Variants in LOXHD1 observed in about 807,000 individuals in gnomAD.
LOXHD1 encodes the protein lipoxygenase homology PLAT domains 1.
In LOXHD1, 205 loss-of-function variants were observed where a neutral mutation model predicts 248.2. That is an observed-to-expected ratio of 0.83 (90% confidence interval 0.74 to 0.93). The LOEUF (loss-of-function observed/expected upper bound fraction) is 0.93. Ranked by LOEUF, LOXHD1 falls within the 40% of genes least tolerant of loss-of-function variation. The pLI is 0.00. For missense variants in LOXHD1, 2,930 were observed against 2,971.6 expected, an observed-to-expected ratio of 0.99 and a Z score of 0.33; for synonymous variants, 1,113 against 1,162.8, an observed-to-expected ratio of 0.96 and a Z score of 0.87.
At chr18:46,590,123 C>T (rs972793612) in intron 12 of LOXHD1, among the ~76,000 whole-genome samples, 3 of 152,088 alleles carry the variant, frequency 2.0e-5, no homozygotes, top group Admixed American at 6.5e-5. Context: ...CACAGTGGTT[C>T]TCAAAGTGTG....
rs2143530459 is a variant in LOXHD1, at chr18:46,483,664, T to C, written c.6264A>G (p.Glu2088=). 6 of 1,551,674 alleles carry C rather than the reference T, an allele frequency of 3.9e-6. No homozygotes were observed. The highest frequency in any genetic ancestry group is 5.2e-6 in the Non-Finnish European group (6 of 1,146,992). ...ASLCVGHLAR[E]DRFIPKRELA... is the part of the protein sequence containing the mutation. ...GTTCTCTCTTGGGGATAAACCGGTC[T>C]TCCCTGGCAAGGTGGCCCACACAGA... Residue 2088 remains glutamate (E), a synonymous_variant, in exon 40 of 41, where the codon GAA becomes GAG. Coordinates refer to ENST00000642948, the MANE Select transcript of LOXHD1 (RefSeq NM_001384474.1).
chr18:46,537,732 A>C (rs2144316671), intron 26 of LOXHD1, among the ~76,000 whole-genome samples: 1 of 152,350 alleles, frequency 6.6e-6, no homozygotes, highest in Non-Finnish European at 1.5e-5. Context: ...CCATAGCTTG[A>C]GAGCTGAGCA....
At position 46,518,133 on chromosome 18, in the gene LOXHD1, CTT is replaced by C. The variant is rs2144083830; in HGVS notation, c.5393_5394del (p.Lys1798SerfsTer4). The C allele has an allele frequency of 2.6e-6, 4 of 1,551,576 alleles. No homozygotes were observed. The highest frequency in any genetic ancestry group is 3.5e-6 in the Non-Finnish European group (4 of 1,146,960). The part of the protein sequence containing the change: ...STEEMQLDKK[K>X]ARFEREQNDT... ...GCAGGGGCCGCCTCCAGGTACCTGG[CTT>C]TCTTTTTGTCCAGCTGCATCTCCTC... On this transcript the variant is annotated frameshift_variant, in exon 34 of 41. Coordinates refer to ENST00000642948, the MANE Select transcript of LOXHD1 (RefSeq NM_001384474.1). LOFTEE classifies it high-confidence loss of function.
chr18:46,505,689 G>GGAA, intron 37 of LOXHD1, 149 bp downstream of exon 37: 1 of 770,502 alleles, frequency 1.3e-6, no homozygotes, highest in Non-Finnish European at 2.1e-6. Context: ...TCATACTGAT[G>GGAA]GAAGCATCAA....
At chr18:46,570,736 T>C (rs1453235336) in intron 15 of LOXHD1, among the ~76,000 whole-genome samples, 2 of 152,166 alleles carry the variant, frequency 1.3e-5, no homozygotes, top group Non-Finnish European at 2.9e-5. Flanking sequence ...ATACAAATGA[T>C]AGCTGATGAG....
chr18:46,579,992 C>T (rs2037933339), intron 12 of LOXHD1, among the ~76,000 whole-genome samples: 1 of 152,240 alleles, frequency 6.6e-6, no homozygotes, highest in African/African-American at 2.4e-5. Context: ...GGCCCTTGGT[C>T]ATTATAGGTA....
In LOXHD1 at chr18:46,563,356, TCTC is replaced by T. The variant is rs34696660; in HGVS notation, c.2438-134_2438-132del. 2,477 of 843,178 alleles carry T rather than the reference TCTC, an allele frequency of 2.9e-3. 21 individuals carry two copies. Among genetic ancestry groups the T allele is most frequent in the African/African-American group, 0.024 (1,384 of 58,712 alleles). The allele number at this position is 843,178 out of a possible 1,614,324, so 52.2% of individuals were successfully genotyped here. A position where few individuals can be genotyped will look rare whatever the true frequency, so the allele number is the denominator to read the frequency against. ...TTACAGTCATTCACTTATCTAATCC[TCTC>T]CTCAACACCCTGAGTAAGCACAATC... is the stretch of plus-strand genomic sequence containing the variant. On this transcript the variant is annotated intron_variant, in intron 17 of 40. Transcript: ENST00000642948.
chr18:46,555,502 T>C (rs1227802445), intron 21 of LOXHD1: 1 of 217,942 alleles, frequency 4.6e-6, no homozygotes. Flanking sequence ...GGGTGGGAGA[T>C]GGGAGAACCC....
chr18:46,588,605 C>A (rs963772607), intron 12 of LOXHD1, among the ~76,000 whole-genome samples: 38 of 152,230 alleles, frequency 2.5e-4, no homozygotes, highest in Admixed American at 2.4e-3. Context: ...AATGTCACTT[C>A]ATCTGCAAAA....
chr18:46,559,421 C>T (rs1476757815), intron 20 of LOXHD1, 27 bp downstream of exon 20: 2 of 1,551,958 alleles, frequency 1.3e-6, no homozygotes, highest in Non-Finnish European at 8.7e-7. Context: ...ACAGCCCCCA[C>T]CCAGGGGCCA....
At chr18:46,543,468 G>T (rs766103759) in intron 23 of LOXHD1, among the ~76,000 whole-genome samples, 4 of 152,048 alleles carry the variant, frequency 2.6e-5, no homozygotes, top group Non-Finnish European at 5.9e-5. Flanking sequence ...TGCAGAACAT[G>T]AGGTTTTTTT....
Position 46,500,016 on chromosome 18 carries a change from AG to A in LOXHD1, c.5878+5821del, listed in dbSNP as rs2034124901. On this transcript the variant is annotated intron_variant, in intron 37 of 40. Coordinates refer to ENST00000642948, the MANE Select transcript of LOXHD1 (RefSeq NM_001384474.1). Reference sequence around the variant, plus strand: ...AATCTTCAGCATTACAGAGTTTCCCAGATGTAAATTTCCTCCCCAAGCACAT... The same window carrying A: ...AATCTTCAGCATTACAGAGTTTCCCAATGTAAATTTCCTCCCCAAGCACAT... Among the ~76,000 whole-genome samples the A allele has an allele frequency of 2.0e-5, 3 of 152,224 alleles. No individual in the cohort carries two copies. In the East Asian group the frequency reaches 5.8e-4, roughly 29 times the overall value.
chr18:46,504,053 G>A (rs1304959285), intron 37 of LOXHD1, among the ~76,000 whole-genome samples: 1 of 152,166 alleles, frequency 6.6e-6, no homozygotes, highest in South Asian at 2.1e-4. Context: ...GTAAAAAGAG[G>A]AGCAATAAAG....
chr18:46,592,380 T>C, intron 11 of LOXHD1, 118 bp downstream of exon 11: 1 of 874,622 alleles, frequency 1.1e-6, no homozygotes, highest in Non-Finnish European at 1.8e-6. Flanking sequence ...ACCATAACCC[T>C]TTTCAGTCCC....
At chr18:46,566,854 C>A (rs913493120) in intron 16 of LOXHD1, among the ~76,000 whole-genome samples, 1 of 152,196 alleles carries the variant, frequency 6.6e-6, no homozygotes. Flanking sequence ...TGGTTTTGAA[C>A]AATACACAGT....
At chr18:46,574,333 G>C (rs892806759) in intron 14 of LOXHD1, among the ~76,000 whole-genome samples, 1 of 150,292 alleles carries the variant, frequency 6.7e-6, no homozygotes, top group Non-Finnish European at 1.5e-5. Flanking sequence ...AAGTCAGTCT[G>C]GTGGTGATTT....
At chr18:46,593,263 T>C (rs948287814) in intron 10 of LOXHD1, among the ~76,000 whole-genome samples, 1 of 152,220 alleles carries the variant, frequency 6.6e-6, no homozygotes, top group Non-Finnish European at 1.5e-5. Flanking sequence ...TCAGTCCATA[T>C]TGGGCAGTCT....
chr18:46,479,458 C>A (rs76254414), intron 40 of LOXHD1, among the ~76,000 whole-genome samples: 7,330 of 152,060 alleles, frequency 0.048, 260 homozygotes, highest in Non-Finnish European at 0.071. Context: ...AAAAGCCAGA[C>A]AGCATGGTGG....
At chr18:46,642,434 CTT>C (rs1454881495) in intron 2 of LOXHD1, among the ~76,000 whole-genome samples, 4 of 149,990 alleles carry the variant, frequency 2.7e-5, no homozygotes, top group African/African-American at 9.7e-5. Context: ...CCTTAGGACT[CTT>C]TGGCCTTCTT....
Sources: gnomAD v4.1 joint callset for allele counts (sites outside exome capture counted in the v4.1 genomes callset) on GRCh38, gnomAD v4.1.1 for gene constraint, MANE v1.5 for transcripts, NCBI Gene and HGNC (gene_info 2026-07-23, HGNC 2026-07-21) for gene names.